The following ERC2 variants were observed in gnomAD, a reference collection of about 807,000 sequenced individuals.
ERC2 encodes the protein ERC protein 2.
ERC2 carries 42 observed loss-of-function variants against 114.8 expected under a neutral mutation model. That is an observed-to-expected ratio of 0.37 (90% CI 0.29 to 0.47). The LOEUF (loss-of-function observed/expected upper bound fraction) is 0.47, where lower values mean the gene tolerates loss of function less well. ERC2 is among the 20% of genes least tolerant of loss of function. The probability of loss-of-function intolerance (pLI) is 0.99; values close to 1 mark genes in which losing one functional copy is unlikely to be tolerated. For missense variants in ERC2, 939 were observed against 1,150.7 expected, an observed-to-expected ratio of 0.82 and a Z score of 2.66; for synonymous variants, 454 against 425.5, an observed-to-expected ratio of 1.07 and a Z score of -0.82.
intron 13 of ERC2, among the ~76,000 whole-genome samples, chr3:55,900,951 GT>G (rs1237915315): frequency 2.0e-5 from 3 of 152,280 alleles, no homozygotes; most frequent in African/African-American, 7.2e-5. Context: ...TTTTCAAGTG[GT>G]TTACTTTTTA....
At chr3:55,932,071 T>C (rs1056611240) in intron 13 of ERC2, among the ~76,000 whole-genome samples, 13 of 152,234 alleles carry the variant, frequency 8.5e-5, no homozygotes, top group African/African-American at 2.2e-4. Context: ...TAAGTTCTCA[T>C]TGCTGCAATA....
intron 3 of ERC2, among the ~76,000 whole-genome samples, chr3:56,178,632 C>T (rs2083114463): frequency 1.3e-5 from 2 of 152,182 alleles, no homozygotes; most frequent in African/African-American, 4.8e-5. Flanking sequence ...AACATCAACT[C>T]ATGTCAGTCT....
chr3:56,037,531 C>T (rs111398884), intron 7 of ERC2, among the ~76,000 whole-genome samples: 10 of 152,250 alleles, frequency 6.6e-5, no homozygotes, highest in African/African-American at 1.7e-4. Flanking sequence ...GGAACAAAAG[C>T]TCTGAGAACT....
intron 2 of ERC2, among the ~76,000 whole-genome samples, chr3:56,424,029 C>A (rs2061479662): frequency 6.6e-6 from 1 of 152,156 alleles, no homozygotes; most frequent in Admixed American, 6.5e-5. Context: ...CAGAATAGGC[C>A]ACATTCAGAA....
chr3:55,666,793 C>G (rs995916170), intron 17 of ERC2, among the ~76,000 whole-genome samples: 1 of 152,068 alleles, frequency 6.6e-6, no homozygotes, highest in Admixed American at 6.6e-5. Context: ...AGCGTGTTCT[C>G]CAGAGGCAAA....
chr3:55,945,061 A>T (rs1194132545), intron 13 of ERC2, among the ~76,000 whole-genome samples: 1 of 152,228 alleles, frequency 6.6e-6, no homozygotes, highest in Non-Finnish European at 1.5e-5. Flanking sequence ...AAACAAATAA[A>T]TAAAACACTT....
At chr3:56,188,981 C>T (rs2083812564) in intron 3 of ERC2, among the ~76,000 whole-genome samples, 2 of 152,200 alleles carry the variant, frequency 1.3e-5, no homozygotes, top group South Asian at 4.1e-4. Context: ...ATTGCGCTAA[C>T]AACTTGCCAT....
chr3:55,711,719 C>T (rs2063788362), intron 15 of ERC2, among the ~76,000 whole-genome samples: 1 of 152,170 alleles, frequency 6.6e-6, no homozygotes, highest in Non-Finnish European at 1.5e-5. Flanking sequence ...TGGGTCATTT[C>T]CAGCTTTTCA....
At chr3:55,853,564 A>C (rs2061664472) in intron 14 of ERC2, among the ~76,000 whole-genome samples, 1 of 152,160 alleles carries the variant, frequency 6.6e-6, no homozygotes, top group South Asian at 2.1e-4. Context: ...ACTAGCACTC[A>C]GGAAATATAA....
chr3:56,214,578 T>C (rs368588245), intron 3 of ERC2, among the ~76,000 whole-genome samples: 1 of 152,110 alleles, frequency 6.6e-6, no homozygotes, highest in East Asian at 1.9e-4. Flanking sequence ...TGCAGGATAT[T>C]ATCCAGGAGA....
At chr3:55,616,708 G>T (rs1161412302) in intron 17 of ERC2, among the ~76,000 whole-genome samples, 1 of 151,442 alleles carries the variant, frequency 6.6e-6, no homozygotes, top group Admixed American at 6.6e-5. Context: ...AAACTAGCAT[G>T]GTAGGGACTA....
intron 10 of ERC2, among the ~76,000 whole-genome samples, chr3:56,002,376 A>C (rs2072141761): frequency 6.6e-6 from 1 of 152,184 alleles, no homozygotes; most frequent in Non-Finnish European, 1.5e-5. Flanking sequence ...CCAGTAAGCC[A>C]CTTAAGTTCA....
intron 14 of ERC2, among the ~76,000 whole-genome samples, chr3:55,883,494 G>A (rs2063206766): frequency 6.6e-6 from 1 of 151,838 alleles, no homozygotes; most frequent in Admixed American, 6.6e-5. Flanking sequence ...TGTGGTGGTG[G>A]TGACACAAAT....
At chr3:55,543,641 G>T (rs2054547945) in intron 17 of ERC2, among the ~76,000 whole-genome samples, 1 of 152,200 alleles carries the variant, frequency 6.6e-6, no homozygotes, top group Admixed American at 6.5e-5. Flanking sequence ...AATGAAGGAG[G>T]CACTTAAGCT....
chr3:56,351,871 A>G (rs1435236085), intron 2 of ERC2, among the ~76,000 whole-genome samples: 3 of 152,230 alleles, frequency 2.0e-5, no homozygotes, highest in Non-Finnish European at 4.4e-5. Flanking sequence ...GAAACTCACA[A>G]TCTGCTGGGC....
At chr3:56,213,682 C>T (rs551268422) in intron 3 of ERC2, among the ~76,000 whole-genome samples, 16 of 152,314 alleles carry the variant, frequency 1.1e-4, no homozygotes, top group East Asian at 3.9e-4. Context: ...TCTCCCAGCA[C>T]GCAGCTTGAC....
intron 17 of ERC2, among the ~76,000 whole-genome samples, chr3:55,541,787 C>G (rs1000458404): frequency 1.3e-5 from 2 of 152,170 alleles, no homozygotes; most frequent in Non-Finnish European, 2.9e-5. Context: ...AGATAGTAAT[C>G]CAAGCAGGAA....
In ERC2 at chr3:55,773,750, C is replaced by T. The variant is rs73831505; in HGVS notation, c.2565-38832G>A. Among the ~76,000 whole-genome samples the T allele has an allele frequency of 3.0e-3, 456 of 152,304 alleles. 1 individual carries two copies. Among genetic ancestry groups the T allele is most frequent in the African/African-American group, 0.011 (441 of 41,572 alleles). ...GTTTTTTAAAAAAAATCATTGCTGA[C>T]AGGTGTTCCTGGGAAAGGCTATTTT... is the stretch of plus-strand genomic sequence containing the variant. On this transcript the variant is annotated intron_variant, in intron 14 of 17. Transcript: ENST00000288221.
chr3:55,896,102 T>C (rs1318238814), intron 13 of ERC2, among the ~76,000 whole-genome samples: 2 of 152,180 alleles, frequency 1.3e-5, no homozygotes, highest in Non-Finnish European at 2.9e-5. Context: ...TCCTGGGACC[T>C]GGGAGATACA....
Sources: allele counts gnomAD v4.1 joint callset (sites outside exome capture counted in the v4.1 genomes callset), GRCh38; gene constraint gnomAD v4.1.1; transcripts MANE v1.5; gene names NCBI Gene and HGNC (gene_info 2026-07-23, HGNC 2026-07-21).